FAM53B: variants seen among roughly 807,000 people sequenced by gnomAD.
FAM53B encodes the protein protein FAM53B.
A neutral mutation model predicts 32.7 loss-of-function variants in FAM53B; 12 were observed. The observed-to-expected ratio is 0.37, with a 90% CI of 0.24 to 0.59. The LOEUF (loss-of-function observed/expected upper bound fraction) is 0.59. Ranked by LOEUF, FAM53B falls within the 20% of genes least tolerant of loss-of-function variation. The probability of loss-of-function intolerance (pLI) is 0.72; values close to 1 mark genes in which losing one functional copy is unlikely to be tolerated. For missense variants in FAM53B, 477 were observed against 577.7 expected (o/e 0.83, Z 1.79); for synonymous variants, 234 against 228.7 (o/e 1.02, Z -0.21).
At chr10:124,720,427 TC>T (rs1950062194) in intron 1 of FAM53B, among the ~76,000 whole-genome samples, 1 of 152,130 alleles carries the variant, frequency 6.6e-6, no homozygotes. Context: ...CACCACTGCC[TC>T]CAGCCTGGGC....
At chr10:124,638,144 C>T (rs886830530) in intron 4 of FAM53B, among the ~76,000 whole-genome samples, 3 of 152,110 alleles carry the variant, frequency 2.0e-5, no homozygotes, top group Admixed American at 6.6e-5. Context: ...CTGAGGCAGG[C>T]GGATCACGAG....
At chr10:124,730,349 G>A (rs376125736) in intron 1 of FAM53B, among the ~76,000 whole-genome samples, 3 of 152,334 alleles carry the variant, frequency 2.0e-5, no homozygotes, top group East Asian at 3.9e-4. Context: ...CAGTGAACCA[G>A]GAGCTGAGGT....
intron 1 of FAM53B, chr10:124,742,490 C>T (rs1950205435): frequency 6.6e-6 from 1 of 152,210 alleles, no homozygotes; most frequent in Non-Finnish European, 1.5e-5. Context: ...TAAACGAGTC[C>T]AGGATCTGGA....
rs557188729 is a variant in FAM53B, at chr10:124,636,953, G to A, written c.907-13349C>T. Among the ~76,000 whole-genome samples the A allele has an allele frequency of 7.9e-5, 12 of 152,118 alleles. No homozygotes were observed. The East Asian group carries it at 1.4e-3, about 17-fold the overall frequency. On this transcript the variant is annotated intron_variant, in intron 4 of 4. Transcript: ENST00000337318. ...GACTTCCTCTCGATCTGGGGGGAGC[G>A]AGACTTCTTTCCTCCCAACATCAAA...
chr10:124,657,749 G>A (rs1376463255), intron 4 of FAM53B, among the ~76,000 whole-genome samples: 1 of 152,168 alleles, frequency 6.6e-6, no homozygotes, highest in African/African-American at 2.4e-5. Context: ...GTTGTGTGCT[G>A]TTAGCCCTGA....
chr10:124,634,321 T>C (rs1333121390), intron 4 of FAM53B, among the ~76,000 whole-genome samples: 2 of 152,234 alleles, frequency 1.3e-5, no homozygotes, highest in Admixed American at 6.5e-5. Context: ...ACATATTTCA[T>C]GGATCCATTG....
intron 3 of FAM53B, among the ~76,000 whole-genome samples, chr10:124,685,857 T>TC (rs1334304916): frequency 6.6e-6 from 1 of 152,172 alleles, no homozygotes; most frequent in Admixed American, 6.5e-5. Flanking sequence ...GCCTACCTCC[T>TC]CACTGCCTCT....
At chr10:124,636,423 C>T (rs1486033853) in intron 4 of FAM53B, among the ~76,000 whole-genome samples, 3 of 152,190 alleles carry the variant, frequency 2.0e-5, no homozygotes, top group Non-Finnish European at 4.4e-5. Flanking sequence ...CAGGAGGGGC[C>T]GACCCCTGAA....
intron 1 of FAM53B, chr10:124,743,120 G>A (rs1950209024): frequency 6.6e-6 from 1 of 151,544 alleles, no homozygotes. Context: ...GTCCGAAAAT[G>A]GGGGTGGAGA....
At chr10:124,671,993 G>A (rs965875134) in intron 4 of FAM53B, among the ~76,000 whole-genome samples, 2 of 152,230 alleles carry the variant, frequency 1.3e-5, no homozygotes, top group African/African-American at 4.8e-5. Context: ...ACTGTGGCTT[G>A]AAGTTGCAAG....
In FAM53B at chr10:124,698,874, C is replaced by T. The variant is rs7906947; in HGVS notation, c.79-2662G>A. Among the ~76,000 whole-genome samples, 897 of 152,328 alleles carry T rather than the reference C, an allele frequency of 5.9e-3. 6 individuals are homozygous for T. Among genetic ancestry groups the T allele is most frequent in the African/African-American group, 0.021 (872 of 41,558 alleles). On this transcript the variant is annotated intron_variant, in intron 2 of 4. Coordinates refer to ENST00000337318, the MANE Select transcript of FAM53B (RefSeq NM_014661.4). ...CACAACCAGAATCAAATCCCGGCCA[C>T]TACCTCTCCTCCACAGCCTACAGGG...
At chr10:124,720,921 C>T (rs1362157817) in intron 1 of FAM53B, among the ~76,000 whole-genome samples, 4 of 152,132 alleles carry the variant, frequency 2.6e-5, no homozygotes, top group Non-Finnish European at 4.4e-5. Flanking sequence ...AAATCTGGGC[C>T]GGGTGCGGTG....
At chr10:124,734,950 A>G (rs1004538357) in intron 1 of FAM53B, among the ~76,000 whole-genome samples, 4 of 152,232 alleles carry the variant, frequency 2.6e-5, no homozygotes, top group Non-Finnish European at 5.9e-5. Flanking sequence ...TCAAAGCTTC[A>G]GCAAGCTTAG....
rs139076928 is a variant in FAM53B at position 124,623,306 on chromosome 10, G to A, written c.1205C>T (p.Ala402Val). The change falls in exon 5 of 5, where the codon GCC (alanine) becomes GTC (valine). Residue 402 changes from alanine to valine, a missense_variant. Ala to Val is a moderately conservative substitution (Grantham distance 64). Transcript: ENST00000337318. ...EPAAAWRDRG[A>V]PGNSLCSLDG... is the part of the protein sequence containing the mutation. ...CAGGGAGCAGAGGCTGTTCCCAGGG[G>A]CCCCGCGGTCCCGCCAGGCTGCAGC... 1.6e-4 allele frequency: 254 copies of A among 1,612,336 alleles called. No individual in the cohort carries two copies. The African/African-American group carries it at 3.2e-3, about 20-fold the overall frequency.
chr10:124,660,488 C>T (rs996044162), intron 4 of FAM53B, among the ~76,000 whole-genome samples: 1 of 152,218 alleles, frequency 6.6e-6, no homozygotes, highest in Non-Finnish European at 1.5e-5. Flanking sequence ...CCAAGCTTCA[C>T]GAGCACTAAG....
chr10:124,646,273 T>C (rs934005137), intron 4 of FAM53B, among the ~76,000 whole-genome samples: 3 of 152,224 alleles, frequency 2.0e-5, no homozygotes, highest in Admixed American at 1.3e-4. Context: ...TCGCTTTCTT[T>C]AGGCATTTGC....
chr10:124,683,207 T>C (rs1403474118), intron 3 of FAM53B, among the ~76,000 whole-genome samples: 1 of 152,222 alleles, frequency 6.6e-6, no homozygotes, highest in African/African-American at 2.4e-5. Flanking sequence ...CGAACCTTTA[T>C]TTTGTGAAAT....
intron 2 of FAM53B, among the ~76,000 whole-genome samples, chr10:124,698,056 G>A (rs1949886567): frequency 6.6e-6 from 1 of 152,214 alleles, no homozygotes; most frequent in Non-Finnish European, 1.5e-5. Context: ...AGCTCAGCCT[G>A]TGGACGCCAG....
At position 124,635,118 on chromosome 10, in the gene FAM53B, A is replaced by G. The variant is rs1215856332; in HGVS notation, c.907-11514T>C. 2.6e-5 allele frequency among the ~76,000 whole-genome samples: 4 copies of G among 152,262 alleles called. No homozygotes were observed. The East Asian group carries it at 7.7e-4, about 29-fold the overall frequency. ...TTTTTATTTTTGTTTTTGGAGACAG[A>G]GTCTTGCTCTGTCACCCAGGCTGGA... On this transcript the variant is annotated intron_variant, in intron 4 of 4. Transcript: ENST00000337318.
Sources: allele counts gnomAD v4.1 joint callset (sites outside exome capture counted in the v4.1 genomes callset), GRCh38; gene constraint gnomAD v4.1.1; transcripts MANE v1.5; gene names NCBI Gene and HGNC (gene_info 2026-07-23, HGNC 2026-07-21).